The following KCNJ11 variants were observed in gnomAD, a reference collection of about 807,000 sequenced individuals.
KCNJ11 encodes the protein potassium inwardly rectifying channel subfamily J member 11.
KCNJ11 carries 12 observed loss-of-function variants against 17.3 expected under a neutral mutation model. The ratio of observed to expected loss-of-function variants is 0.69; its 90% CI spans 0.44 to 1.12. The LOEUF is 1.12. Among genes scored for constraint, KCNJ11 ranks in the 50% most tolerant of loss-of-function variants. The pLI is 0.00. For missense variants in KCNJ11, 386 were observed against 554.1 expected, an observed-to-expected ratio of 0.70 and a Z score of 3.05; for synonymous variants, 211 against 223.4, an observed-to-expected ratio of 0.94 and a Z score of 0.50.
rs752411054 is a variant in KCNJ11, at chr11:17,387,363, G to A, written c.729C>T (p.Gly243=). 1.5e-5 allele frequency: 25 copies of A among 1,613,964 alleles called. No homozygotes were observed. In the South Asian group the frequency reaches 2.2e-4, roughly 14 times the overall value. The change falls in exon 1 of 1, where the codon GGC becomes GGT. Residue 243 remains glycine, a synonymous_variant. Transcript: ENST00000339994. ...CCAGGAAGATGCTGTTGCCACCCAC[G>A]CCGTTCTCCATGGGGATGTCCACCT... ...LHQVDIPMEN[G]VGGNSIFLVA... is the part of the protein sequence containing the mutation.
In KCNJ11 at chr11:17,388,332, A is replaced by G. The variant is rs1953599064; in HGVS notation, c.-241T>C. On this transcript the variant is annotated 5_prime_UTR_variant, in exon 1 of 1. Coordinates refer to ENST00000339994, the MANE Select transcript of KCNJ11 (RefSeq NM_000525.4). ...CGCGGTGGCTCACGCCTGTAATCCC[A>G]GTACGTTGGGAGGCTGAGGAGGGCA... is the stretch of plus-strand genomic sequence containing the variant. 5.3e-6 allele frequency: 3 copies of G among 562,302 alleles called. No individual in the cohort carries two copies. The highest frequency in any genetic ancestry group is 4.7e-4 in the Middle Eastern group (1 of 2,116). 34.8% of individuals were successfully genotyped at this position (562,302 alleles called of 1,614,324 possible). A position where few individuals can be genotyped will look rare whatever the true frequency, so the allele number is the denominator to read the frequency against.
In KCNJ11 at chr11:17,388,024, T is replaced by C; in HGVS notation, c.68A>G (p.Lys23Arg). Residue 23 changes from lysine (K) to arginine (R), a missense_variant, in exon 1 of 1, where the codon AAG becomes AGG. Transcript: ENST00000339994. ...CCGCTGGCGGGCACGGTACCTGGGC[T>C]TGGCAGGGTCCTCTGCCAGGCGTGT... ...VLTRLAEDPAKPRYRARQRRA... is the reference protein window; with the variant it reads ...VLTRLAEDPARPRYRARQRRA... The C allele has an allele frequency of 6.2e-7, 1 of 1,613,912 alleles. No homozygotes were observed. The highest frequency in any genetic ancestry group is 2.2e-5 in the East Asian group (1 of 44,872).
At chr11:17,388,740 T>G, upstream of KCNJ11, 1 of 413,332 alleles carries the variant, frequency 2.4e-6, no homozygotes. Flanking sequence ...AGAGCCCTTC[T>G]CCCCGCCCAG....
In KCNJ11 at chr11:17,387,522, G is replaced by T. The variant is rs5218; in HGVS notation, c.570C>A (p.Ala190=). 1 of 1,611,390 alleles carries T rather than the reference G, an allele frequency of 6.2e-7. No individual in the cohort carries two copies. The highest frequency in any genetic ancestry group is 1.1e-5 in the South Asian group (1 of 91,028). ...TGAAGCAGAGGCGGCCGTGGCGCAG[G>T]GCGATCACCGCATGCTTGCTGAAGA... ...TLIFSKHAVI[A]LRHGRLCFML... is the part of the protein sequence containing the mutation. The change falls in exon 1 of 1, where the codon GCC becomes GCA. Residue 190 remains alanine, a synonymous_variant. Transcript: ENST00000339994.
Position 17,387,612 on chromosome 11 carries a change from G to A in KCNJ11, c.480C>T (p.Asn160=), listed in dbSNP as rs568688504. 55 of 1,613,654 alleles carry A rather than the reference G, an allele frequency of 3.4e-5. No homozygotes were observed. The highest frequency in any genetic ancestry group is 2.2e-4 in the South Asian group (20 of 91,040). ...IVQNIVGLMI[N]AIMLGCIFMK... The stretch of plus-strand genomic sequence containing the variant: ...TGAAGATGCAGCCAAGCATGATGGC[G>A]TTGATCATGAGCCCCACGATGTTCT... The change falls in exon 1 of 1, where the codon AAC becomes AAT. Residue 160 remains asparagine, a synonymous_variant. Coordinates refer to ENST00000339994, the MANE Select transcript of KCNJ11 (RefSeq NM_000525.4).
At position 17,388,053 on chromosome 11, in the gene KCNJ11, C is replaced by T. The variant is rs1231032422; in HGVS notation, c.39G>A (p.Val13=). The T allele has an allele frequency of 1.9e-6, 3 of 1,612,784 alleles. No individual in the cohort carries two copies. Among genetic ancestry groups the T allele is most frequent in the Non-Finnish European group, 2.5e-6 (3 of 1,179,970 alleles). Residue 13 remains valine (V), a synonymous_variant, in exon 1 of 1, where the codon GTG becomes GTA. Coordinates refer to ENST00000339994, the MANE Select transcript of KCNJ11 (RefSeq NM_000525.4). ...CAGGGTCCTCTGCCAGGCGTGTCAG[C>T]ACGTATTCCTCGGGGATGATGCCCT... ...SRKGIIPEEY[V]LTRLAEDPAK...
chr11:17,386,817 G>A lies in KCNJ11; in HGVS notation c.*102C>T, dbSNP rs955990251. 2.0e-6 allele frequency: 2 copies of A among 1,005,338 alleles called. No homozygotes were observed. Among genetic ancestry groups the A allele is most frequent in the Non-Finnish European group, 2.9e-6 (2 of 683,136 alleles). The allele number at this position is 1,005,338 out of a possible 1,614,324, so 62.3% of individuals were successfully genotyped here. A position where few individuals can be genotyped will look rare whatever the true frequency, so the allele number is the denominator to read the frequency against. On this transcript the variant is annotated 3_prime_UTR_variant, in exon 1 of 1. Transcript: ENST00000339994. ...CACCCTGGATGAGCAGCAGGGGGAG[G>A]CTGAGCTGAGGCTGGCCCAGCCTCA... is the stretch of plus-strand genomic sequence containing the variant.
In KCNJ11 at chr11:17,387,114, G is replaced by A. The variant is rs757254860; in HGVS notation, c.978C>T (p.Tyr326=). 2 of 1,614,266 alleles carry A rather than the reference G, an allele frequency of 1.2e-6. No homozygotes were observed. The highest frequency in any genetic ancestry group is 3.3e-5 in the Admixed American group (2 of 60,032). The change falls in exon 1 of 1, where the codon TAC becomes TAT. Residue 326 remains tyrosine, a synonymous_variant. Transcript: ENST00000339994. ...VPIVAEEDGR[Y]SVDYSKFGNT... is the part of the protein sequence containing the mutation. The stretch of plus-strand genomic sequence containing the variant: ...TGCCAAACTTGGAGTAGTCCACAGA[G>A]TAACGTCCGTCCTCCTCAGCTACAA...
rs1953596290 is a variant in KCNJ11, at chr11:17,388,170, C to A, written c.-79G>T. 2 of 1,323,054 alleles carry A rather than the reference C, an allele frequency of 1.5e-6. No individual in the cohort carries two copies. The highest frequency in any genetic ancestry group is 1.1e-6 in the Non-Finnish European group (1 of 938,696). The allele number at this position is 1,323,054 out of a possible 1,614,324, so 82.0% of individuals were successfully genotyped here. Reference sequence around the variant, plus strand: ...GTGGCCTAGGGCCTCACTGCAGAGTCCTCTCGGTGGGCACCTTCTCACCCT... The same window carrying A: ...GTGGCCTAGGGCCTCACTGCAGAGTACTCTCGGTGGGCACCTTCTCACCCT... On this transcript the variant is annotated 5_prime_UTR_variant, in exon 1 of 1. Coordinates refer to ENST00000339994, the MANE Select transcript of KCNJ11 (RefSeq NM_000525.4).
Position 17,388,333 on chromosome 11 carries a change from G to A in KCNJ11, c.-242C>T, listed in dbSNP as rs2133381499. On this transcript the variant is annotated 5_prime_UTR_variant, in exon 1 of 1. Coordinates refer to ENST00000339994, the MANE Select transcript of KCNJ11 (RefSeq NM_000525.4). Reference sequence around the variant, plus strand: ...GCGGTGGCTCACGCCTGTAATCCCAGTACGTTGGGAGGCTGAGGAGGGCAG... The same window carrying A: ...GCGGTGGCTCACGCCTGTAATCCCAATACGTTGGGAGGCTGAGGAGGGCAG... The A allele has an allele frequency of 1.8e-6, 1 of 561,778 alleles. No individual in the cohort carries two copies. Among genetic ancestry groups the A allele is most frequent in the South Asian group, 2.4e-5 (1 of 42,342 alleles). The allele number at this position is 561,778 out of a possible 1,614,324, so 34.8% of individuals were successfully genotyped here. A position where few individuals can be genotyped will look rare whatever the true frequency, so the allele number is the denominator to read the frequency against.
rs1439274815 is a variant in KCNJ11, at chr11:17,387,278, G to A, written c.814C>T (p.Pro272Ser). ...DANSPLYDLA[P>S]SDLHHHQDLE... is the part of the protein sequence containing the mutation. ...TCCTGGTGGTGGTGCAGGTCGCTGG[G>A]TGCCAGGTCGTAGAGTGGGCTGTTG... Residue 272 changes from proline to serine, a missense_variant, in exon 1 of 1, where the codon CCC becomes TCC. Pro to Ser is a moderately conservative substitution (Grantham distance 74). Transcript: ENST00000339994. 9 of 1,614,052 alleles carry A rather than the reference G, an allele frequency of 5.6e-6. No individual in the cohort carries two copies. The highest frequency in any genetic ancestry group is 7.6e-6 in the Non-Finnish European group (9 of 1,180,016).
rs1953594906 is a variant in KCNJ11, at chr11:17,388,102, A to AC, written c.-12dup. On this transcript the variant is annotated 5_prime_UTR_variant, in exon 1 of 1. Transcript: ENST00000339994. ...CTTGCGGGACAGCATGGCTCCGGTG[A>AC]CCCCCAGGGAGGGGCTTCCCCCATC... The AC allele has an allele frequency of 3.1e-6, 5 of 1,604,146 alleles. No individual in the cohort carries two copies. Among genetic ancestry groups the AC allele is most frequent in the Middle Eastern group, 1.7e-4 (1 of 6,048 alleles).
Position 17,385,423 on chromosome 11 carries a change from G to A in KCNJ11, c.*1496C>T, listed in dbSNP as rs1003348413. Among the ~76,000 whole-genome samples the A allele has an allele frequency of 1.3e-5, 2 of 152,222 alleles. No individual in the cohort carries two copies. Among genetic ancestry groups the A allele is most frequent in the African/African-American group, 4.8e-5 (2 of 41,446 alleles). On this transcript the variant is annotated 3_prime_UTR_variant, in exon 1 of 1. Coordinates refer to ENST00000339994, the MANE Select transcript of KCNJ11 (RefSeq NM_000525.4). ...CTATTAGCATCCATGTTATAGAAGA[G>A]GCAACTGAGACACAGAGAGGCTAAG...
chr11:17,387,047 G>T lies in KCNJ11; in HGVS notation c.1045C>A (p.Leu349Ile). Residue 349 changes from leucine to isoleucine, a missense_variant, in exon 1 of 1, where the codon CTT becomes ATT. Physicochemically the swap from Leu to Ile is conservative, Grantham distance 5 (BLOSUM62 2). Coordinates refer to ENST00000339994, the MANE Select transcript of KCNJ11 (RefSeq NM_000525.4). ...VPTPLCTARQ[L>I]DEDHSLLEAL... The stretch of plus-strand genomic sequence containing the variant: ...TCCAGTAGGCTGTGGTCCTCATCAA[G>T]CTGGCGGGCCGTGCAGAGTGGTGTG... 6.2e-7 allele frequency: 1 copy of T among 1,614,228 alleles called. No individual in the cohort carries two copies. The highest frequency in any genetic ancestry group is 8.5e-7 in the Non-Finnish European group (1 of 1,180,026).
chr11:17,387,994 G>A lies in KCNJ11; in HGVS notation c.98C>T (p.Ala33Val). 1 of 1,613,920 alleles carries A rather than the reference G, an allele frequency of 6.2e-7. No homozygotes were observed. The change falls in exon 1 of 1, where the codon GCC becomes GTC. Residue 33 changes from alanine to valine, a missense_variant. Coordinates refer to ENST00000339994, the MANE Select transcript of KCNJ11 (RefSeq NM_000525.4). ...GTTGCCTTTCTTGGACACAAAGCGGGCCCTCCGCTGGCGGGCACGGTACCT... is the reference window on the plus strand; with the variant it reads ...GTTGCCTTTCTTGGACACAAAGCGGACCCTCCGCTGGCGGGCACGGTACCT... ...KPRYRARQRR[A>V]RFVSKKGNCN...
At position 17,386,743 on chromosome 11, in the gene KCNJ11, A is replaced by G. The variant is rs1953562469; in HGVS notation, c.*176T>C. On this transcript the variant is annotated 3_prime_UTR_variant, in exon 1 of 1. Coordinates refer to ENST00000339994, the MANE Select transcript of KCNJ11 (RefSeq NM_000525.4). ...GGAGCAGGGACAAAAATAACCCAGTACAGGTTCCTGCTGAGGCCAGAAATA... is the reference window on the plus strand; with the variant it reads ...GGAGCAGGGACAAAAATAACCCAGTGCAGGTTCCTGCTGAGGCCAGAAATA... 1.6e-6 allele frequency: 1 copy of G among 618,768 alleles called. No homozygotes were observed. The highest frequency in any genetic ancestry group is 2.8e-6 in the Non-Finnish European group (1 of 354,372). 38.3% of individuals were successfully genotyped at this position (618,768 alleles called of 1,614,324 possible). A position where few individuals can be genotyped will look rare whatever the true frequency, so the allele number is the denominator to read the frequency against.
Position 17,386,920 on chromosome 11 carries a change from C to T in KCNJ11, c.1172G>A (p.Ter391=), listed in dbSNP as rs1450567888. 3.3e-5 allele frequency: 53 copies of T among 1,611,556 alleles called. No homozygotes were observed. Among genetic ancestry groups the T allele is most frequent in the Non-Finnish European group, 4.2e-5 (49 of 1,178,810 alleles). Residue 391 remains the stop codon, a stop_retained_variant, in exon 1 of 1, where the codon TGA becomes TAA. Coordinates refer to ENST00000339994, the MANE Select transcript of KCNJ11 (RefSeq NM_000525.4). ...GTGGGGGGCCCGAGAGACCATGGCT[C>T]AGGACAGGGAATCTGGAGAGATGCT... ...KFSISPDSLS[*] is the part of the protein sequence containing the mutation.
chr11:17,387,418 C>A lies in KCNJ11; in HGVS notation c.674G>T (p.Ser225Ile). The A allele has an allele frequency of 6.2e-7, 1 of 1,613,854 alleles. No homozygotes were observed. ...IHMQVVRKTTSPEGEVVPLHQ... is the reference protein window; with the variant it reads ...IHMQVVRKTTIPEGEVVPLHQ... ...GAGGGGCACCACCTCGCCCTCGGGG[C>A]TGGTGGTCTTGCGTACCACCTGCAT... The change falls in exon 1 of 1, where the codon AGC (serine) becomes ATC (isoleucine). Residue 225 changes from serine (S) to isoleucine (I), a missense_variant. Coordinates refer to ENST00000339994, the MANE Select transcript of KCNJ11 (RefSeq NM_000525.4).
rs778334034 is a variant in KCNJ11, at chr11:17,387,041, C to T, written c.1051G>A (p.Glu351Lys). 1.9e-6 allele frequency: 3 copies of T among 1,614,244 alleles called. No homozygotes were observed. The Admixed American group carries it at 5.0e-5, about 27-fold the overall frequency. The change falls in exon 1 of 1, where the codon GAG becomes AAG. Residue 351 changes from glutamate (E) to lysine (K), a missense_variant. Transcript: ENST00000339994. ...TPLCTARQLD[E>K]DHSLLEALTL... Reference sequence around the variant, plus strand: ...AGAGCTTCCAGTAGGCTGTGGTCCTCATCAAGCTGGCGGGCCGTGCAGAGT... The same window carrying T: ...AGAGCTTCCAGTAGGCTGTGGTCCTTATCAAGCTGGCGGGCCGTGCAGAGT...
Sources: gnomAD v4.1 joint callset for allele counts (sites outside exome capture counted in the v4.1 genomes callset) on GRCh38, gnomAD v4.1.1 for gene constraint, MANE v1.5 for transcripts, NCBI Gene and HGNC (gene_info 2026-07-23, HGNC 2026-07-21) for gene names.